TMEM163: variants seen among roughly 807,000 people sequenced by gnomAD.
TMEM163 encodes transmembrane protein 163.
A neutral mutation model predicts 29.3 loss-of-function variants in TMEM163; 17 were observed. That is an observed-to-expected ratio of 0.58 (90% CI 0.40 to 0.87). The LOEUF (loss-of-function observed/expected upper bound fraction) is 0.87. Among genes scored for constraint, TMEM163 ranks in the 40% least tolerant of loss-of-function variants. The pLI, the probability that TMEM163 is intolerant of heterozygous loss-of-function variation, is 0.00. For synonymous variants in TMEM163, 157 were observed against 160.6 expected, an observed-to-expected ratio of 0.98 and a Z score of 0.17; for missense variants, 303 against 381.5, an observed-to-expected ratio of 0.79 and a Z score of 1.71.
chr2:134,665,661 C>G (rs781264894), intron 2 of TMEM163, among the ~76,000 whole-genome samples: 1 of 152,196 alleles, frequency 6.6e-6, no homozygotes, highest in Non-Finnish European at 1.5e-5. Flanking sequence ...CCACCCCCTT[C>G]ACTTTAACTC....
chr2:134,604,560 AGAG>A (rs986822461), intron 2 of TMEM163, among the ~76,000 whole-genome samples: 1 of 151,030 alleles, frequency 6.6e-6, no homozygotes, highest in Non-Finnish European at 1.5e-5. Context: ...AGTTCTGGAG[AGAG>A]GAGAAGAGGG....
intron 2 of TMEM163, among the ~76,000 whole-genome samples, chr2:134,699,969 C>T (rs1684662539): frequency 6.6e-6 from 1 of 152,028 alleles, no homozygotes; most frequent in African/African-American, 2.4e-5. Context: ...CTTCTTCTAT[C>T]CCTACATTTA....
chr2:134,620,032 T>C (rs1256980883), intron 2 of TMEM163, among the ~76,000 whole-genome samples: 1 of 152,114 alleles, frequency 6.6e-6, no homozygotes, highest in African/African-American at 2.4e-5. Flanking sequence ...AAGATCTAAA[T>C]AGAAGAGAAA....
At chr2:134,646,151 C>T (rs1683331662) in intron 2 of TMEM163, among the ~76,000 whole-genome samples, 1 of 151,408 alleles carries the variant, frequency 6.6e-6, no homozygotes, top group Admixed American at 6.6e-5. Flanking sequence ...ATGGTACGAT[C>T]TCAGCTTACT....
intron 4 of TMEM163, among the ~76,000 whole-genome samples, chr2:134,547,237 T>C (rs1357998777): frequency 6.6e-6 from 1 of 152,186 alleles, no homozygotes; most frequent in Non-Finnish European, 1.5e-5. Context: ...TAAAAATCTT[T>C]AAAATGCAAA....
At chr2:134,688,826 A>G (rs191155504) in intron 2 of TMEM163, among the ~76,000 whole-genome samples, 81 of 152,014 alleles carry the variant, frequency 5.3e-4, no homozygotes, top group African/African-American at 1.9e-3. Context: ...ACACACGCAC[A>G]CTCTCTTTGG....
chr2:134,613,129 T>A (rs1682541653), intron 2 of TMEM163, among the ~76,000 whole-genome samples: 1 of 151,952 alleles, frequency 6.6e-6, no homozygotes, highest in African/African-American at 2.4e-5. Context: ...GAAATGAAAA[T>A]TCTACAGCAG....
In TMEM163 at chr2:134,644,337, G is replaced by A. The variant is rs116461424; in HGVS notation, c.322+68863C>T. 3.9e-3 allele frequency among the ~76,000 whole-genome samples: 586 copies of A among 152,084 alleles called. 7 individuals carry two copies. Among genetic ancestry groups the A allele is most frequent in the African/African-American group, 0.013 (551 of 41,528 alleles). ...TTTTTGAAAAAGAAAAATATTAAAGGAATACACTACCCAATTTGAAGACTT... is the reference window on the plus strand; with the variant it reads ...TTTTTGAAAAAGAAAAATATTAAAGAAATACACTACCCAATTTGAAGACTT... On this transcript the variant is annotated intron_variant, in intron 2 of 7. Coordinates refer to ENST00000281924, the MANE Select transcript of TMEM163 (RefSeq NM_030923.5).
intron 2 of TMEM163, among the ~76,000 whole-genome samples, chr2:134,687,991 G>A (rs1684382864): frequency 6.6e-6 from 1 of 152,118 alleles, no homozygotes; most frequent in African/African-American, 2.4e-5. Flanking sequence ...TAGGAACCAA[G>A]GAAGGCCAGA....
intron 2 of TMEM163, among the ~76,000 whole-genome samples, chr2:134,684,321 C>T (rs1224255409): frequency 2.0e-5 from 3 of 151,966 alleles, no homozygotes; most frequent in Admixed American, 1.3e-4. Context: ...AGGTTACAGA[C>T]GTACCCAACT....
intron 5 of TMEM163, among the ~76,000 whole-genome samples, chr2:134,478,094 G>A (rs908478877): frequency 4.6e-5 from 7 of 152,150 alleles, no homozygotes; most frequent in South Asian, 2.1e-4. Context: ...TGCTCTCACC[G>A]TGTGATTCCT....
chr2:134,588,788 T>A (rs1681874851), intron 2 of TMEM163, among the ~76,000 whole-genome samples: 1 of 152,052 alleles, frequency 6.6e-6, no homozygotes, highest in Non-Finnish European at 1.5e-5. Context: ...TATTCTTTGA[T>A]CATGTCAGAA....
intron 5 of TMEM163, among the ~76,000 whole-genome samples, chr2:134,484,200 G>T (rs55798200): frequency 0.11 from 17,362 of 152,082 alleles, 1,227 homozygotes; most frequent in South Asian, 0.2. Flanking sequence ...TCCAGTCAGG[G>T]TCTGAGTGCC....
intron 2 of TMEM163, among the ~76,000 whole-genome samples, chr2:134,574,793 C>T (rs191865248): frequency 1.7e-3 from 252 of 152,198 alleles, no homozygotes; most frequent in Non-Finnish European, 3.1e-3. Flanking sequence ...CCAGATGGCT[C>T]GATTTGATGC....
intron 4 of TMEM163, among the ~76,000 whole-genome samples, chr2:134,539,823 G>A (rs1010725323): frequency 4.6e-5 from 7 of 152,170 alleles, no homozygotes; most frequent in Non-Finnish European, 8.8e-5. Context: ...AAACAAGCCC[G>A]CAGAGATTTC....
At chr2:134,554,422 CAAAAA>C (rs941286100) in intron 2 of TMEM163, among the ~76,000 whole-genome samples, 1,102 of 21,044 alleles carry the variant, frequency 0.052, 7 homozygotes, top group African/African-American at 0.074. Flanking sequence ...GACCCCATCT[CAAAAA>C]AAAAAAAAAA....
intron 2 of TMEM163, among the ~76,000 whole-genome samples, chr2:134,653,161 G>C (rs1239490879): frequency 2.8e-5 from 2 of 72,576 alleles, no homozygotes; most frequent in Non-Finnish European, 4.8e-5. Flanking sequence ...ATTCAGCTGT[G>C]AATCCATCTG....
At chr2:134,562,340 T>G (rs1339866998) in intron 2 of TMEM163, among the ~76,000 whole-genome samples, 1 of 152,242 alleles carries the variant, frequency 6.6e-6, no homozygotes, top group Non-Finnish European at 1.5e-5. Context: ...AAAAAATCCT[T>G]GTTAAACTGA....
intron 2 of TMEM163, among the ~76,000 whole-genome samples, chr2:134,709,928 G>C (rs6752536): frequency 0.18 from 27,835 of 152,182 alleles, 2,912 homozygotes; most frequent in Middle Eastern, 0.38. Context: ...TCAGAATCCA[G>C]AGATTCATTT....
Sources: gnomAD v4.1 joint callset for allele counts (sites outside exome capture counted in the v4.1 genomes callset) on GRCh38, gnomAD v4.1.1 for gene constraint, MANE v1.5 for transcripts, NCBI Gene and HGNC (gene_info 2026-07-23, HGNC 2026-07-21) for gene names.